The following SPEF2 variants were observed in gnomAD, a reference collection of about 807,000 sequenced individuals.
SPEF2 encodes sperm flagellar and cilia associated 2, also known as sperm flagella and cilia-associated protein 2.
SPEF2 carries 187 observed loss-of-function variants against 224.6 expected under a neutral mutation model. That is an observed-to-expected ratio of 0.83 (90% confidence interval 0.74 to 0.94). SPEF2 has a LOEUF of 0.94. SPEF2 is among the 40% of genes least tolerant of loss of function. The pLI is 0.00. For missense variants in SPEF2, 2,170 were observed against 2,135.6 expected (o/e 1.02, Z -0.32); for synonymous variants, 715 against 707.3 (o/e 1.01, Z -0.17).
intron 21 of SPEF2, among the ~76,000 whole-genome samples, chr5:35,729,853 C>A (rs992212492): frequency 6.6e-6 from 1 of 152,168 alleles, no homozygotes; most frequent in Non-Finnish European, 1.5e-5. Flanking sequence ...GCTTTTGCTT[C>A]TTCCTCATTT....
At position 35,757,410 on chromosome 5, in the gene SPEF2, G is replaced by A. The variant is rs7730563; in HGVS notation, c.3469-2158G>A. On this transcript the variant is annotated intron_variant, in intron 24 of 36. Coordinates refer to ENST00000356031, the MANE Select transcript of SPEF2 (RefSeq NM_024867.4). ...TAAGTAGTTTAGTTCTCTAAGTTAAGGAGGAAATAATTTCCTGATTTCTAA... is the reference window on the plus strand; with the variant it reads ...TAAGTAGTTTAGTTCTCTAAGTTAAAGAGGAAATAATTTCCTGATTTCTAA... Among the ~76,000 whole-genome samples, 232 of 152,102 alleles carry A rather than the reference G, an allele frequency of 1.5e-3. 2 individuals carry two copies. The highest frequency in any genetic ancestry group is 5.4e-3 in the African/African-American group (225 of 41,538).
At chr5:35,753,002 C>T (rs1363053667) in intron 23 of SPEF2, among the ~76,000 whole-genome samples, 1 of 149,878 alleles carries the variant, frequency 6.7e-6, no homozygotes, top group Non-Finnish European at 1.5e-5. Flanking sequence ...ACTCTAAATG[C>T]ATTGATACTG....
chr5:35,795,914 C>T (rs1756597104), intron 33 of SPEF2, 119 bp downstream of exon 33: 1 of 863,738 alleles, frequency 1.2e-6, no homozygotes, highest in Admixed American at 2.2e-5. Context: ...TCCTCTGCTG[C>T]CTCTCCAAAG....
At chr5:35,704,524 T>G in intron 16 of SPEF2, 30 bp from the exon 17 acceptor site, 1 of 1,518,298 alleles carries the variant, frequency 6.6e-7, no homozygotes, top group Non-Finnish European at 9.0e-7. Context: ...GTTTTGAAAA[T>G]TATCTAATTA....
chr5:35,666,923 A>T (rs1417885270), intron 8 of SPEF2, 149 bp from the exon 9 acceptor site: 1 of 653,820 alleles, frequency 1.5e-6, no homozygotes, highest in Non-Finnish European at 2.6e-6. Flanking sequence ...CTAATGTATT[A>T]AGAAAAAAGT....
chr5:35,628,698 C>T (rs1744623767), intron 2 of SPEF2, 136 bp downstream of exon 2: 2 of 589,610 alleles, frequency 3.4e-6, no homozygotes, highest in Admixed American at 3.4e-5. Flanking sequence ...ATAAAGCAAT[C>T]CTCTTGCCTC....
intron 24 of SPEF2, among the ~76,000 whole-genome samples, chr5:35,757,243 GTTAA>G (rs1330529496): frequency 6.6e-6 from 1 of 151,800 alleles, no homozygotes; most frequent in Non-Finnish European, 1.5e-5. Context: ...TTCAGATTTA[GTTAA>G]TTAAATTATG....
At chr5:35,657,368 A>G (rs917643671) in intron 7 of SPEF2, among the ~76,000 whole-genome samples, 5 of 152,296 alleles carry the variant, frequency 3.3e-5, no homozygotes, top group African/African-American at 1.2e-4. Flanking sequence ...TTAAAGTTAT[A>G]AAAATCAATT....
chr5:35,650,645 G>T (rs899200091), intron 6 of SPEF2, among the ~76,000 whole-genome samples: 14 of 152,140 alleles, frequency 9.2e-5, no homozygotes, highest in Non-Finnish European at 5.9e-5. Flanking sequence ...AGCAACCATA[G>T]TTAAGATGAA....
chr5:35,653,629 A>G (rs1748508586), intron 6 of SPEF2, among the ~76,000 whole-genome samples: 1 of 152,118 alleles, frequency 6.6e-6, no homozygotes, highest in African/African-American at 2.4e-5. Context: ...AAAGAAATCC[A>G]GAATTTCCGG....
intron 17 of SPEF2, 62 bp from the exon 18 acceptor site, chr5:35,705,589 C>T (rs1224617122): frequency 8.0e-7 from 1 of 1,248,860 alleles, no homozygotes; most frequent in Non-Finnish European, 1.1e-6. Flanking sequence ...ATAATTTATG[C>T]TTAATGTCAT....
intron 26 of SPEF2, among the ~76,000 whole-genome samples, chr5:35,764,997 C>T (rs1751900443): frequency 6.6e-6 from 1 of 152,128 alleles, no homozygotes; most frequent in Admixed American, 6.6e-5. Context: ...GGCACCACTA[C>T]CTGGAGAGAA....
intron 1 of SPEF2, among the ~76,000 whole-genome samples, chr5:35,628,147 T>C (rs1237530819): frequency 2.0e-5 from 3 of 152,166 alleles, no homozygotes; most frequent in African/African-American, 7.2e-5. Flanking sequence ...TTAAGGCTAG[T>C]TTTTAGATCT....
rs1431787585 is a variant in SPEF2, at chr5:35,708,975, C to G, written c.2693C>G (p.Ala898Gly). The part of the protein sequence containing the change: ...KVEKKLEEKE[A>G]EKKAAASLAE... Reference sequence around the variant, plus strand: ...GAGAAGAAATTAGAAGAAAAGGAAGCTGAGAAAAAAGCAGCAGCTTCCCTG... The same window carrying G: ...GAGAAGAAATTAGAAGAAAAGGAAGGTGAGAAAAAAGCAGCAGCTTCCCTG... Residue 898 changes from alanine (A) to glycine (G), a missense_variant, in exon 19 of 37, where the codon GCT becomes GGT. Physicochemically the swap from Ala to Gly is moderately conservative, Grantham distance 60. Transcript: ENST00000356031. The G allele has an allele frequency of 5.6e-6, 9 of 1,612,080 alleles. No individual in the cohort carries two copies. The highest frequency in any genetic ancestry group is 1.3e-5 in the African/African-American group (1 of 74,686).
At chr5:35,757,942 G>A (rs1400385513) in intron 24 of SPEF2, among the ~76,000 whole-genome samples, 3 of 152,012 alleles carry the variant, frequency 2.0e-5, no homozygotes, top group African/African-American at 4.8e-5. Flanking sequence ...TAGAAAAGTC[G>A]AATAGCACAG....
chr5:35,740,350 C>G (rs376311224), intron 23 of SPEF2, 83 bp downstream of exon 23: 3 of 1,547,724 alleles, frequency 1.9e-6, no homozygotes, highest in Non-Finnish European at 2.6e-6. Context: ...TTGCTCCTTA[C>G]TTTTGTGAAG....
At chr5:35,671,018 C>A in intron 10 of SPEF2, 12 of 985,312 alleles carry the variant, frequency 1.2e-5, no homozygotes, top group Non-Finnish European at 1.4e-5. Flanking sequence ...AAAGGTGTAA[C>A]AATCATAGCT....
chr5:35,635,384 C>T (rs1460616150), intron 2 of SPEF2, among the ~76,000 whole-genome samples: 1 of 152,070 alleles, frequency 6.6e-6, no homozygotes, highest in East Asian at 1.9e-4. Flanking sequence ...CCTGAGAACA[C>T]TAGCTGGTAG....
At chr5:35,811,889 A>G (rs901033704) in intron 36 of SPEF2, among the ~76,000 whole-genome samples, 4 of 149,324 alleles carry the variant, frequency 2.7e-5, no homozygotes, top group Non-Finnish European at 5.9e-5. Context: ...GGTTCACGCC[A>G]TTCTCCTGCC....
Sources: gnomAD v4.1 joint callset for allele counts (sites outside exome capture counted in the v4.1 genomes callset) on GRCh38, gnomAD v4.1.1 for gene constraint, MANE v1.5 for transcripts, NCBI Gene and HGNC (gene_info 2026-07-23, HGNC 2026-07-21) for gene names.